The following DNER variants were observed in gnomAD, a reference collection of about 807,000 sequenced individuals.
DNER encodes the protein delta and Notch-like epidermal growth factor-related receptor.
DNER carries 33 observed loss-of-function variants against 78.2 expected under a neutral mutation model. That is an observed-to-expected ratio of 0.42 (90% confidence interval 0.32 to 0.56). The LOEUF (loss-of-function observed/expected upper bound fraction) is 0.56, where lower values mean the gene tolerates loss of function less well. Among genes scored for constraint, DNER ranks in the 20% least tolerant of loss-of-function variants. The pLI is 0.11. For synonymous variants in DNER, 417 were observed against 384.8 expected, an observed-to-expected ratio of 1.08 and a Z score of -0.98; for missense variants, 918 against 975.3, an observed-to-expected ratio of 0.94 and a Z score of 0.78.
intron 1 of DNER, among the ~76,000 whole-genome samples, chr2:229,595,549 T>G (rs1697696566): frequency 6.6e-6 from 1 of 152,200 alleles, no homozygotes; most frequent in Admixed American, 6.5e-5. Flanking sequence ...CCCAAAGTGC[T>G]GGGATTATAG....
intron 1 of DNER, among the ~76,000 whole-genome samples, chr2:229,621,659 C>G (rs1698253276): frequency 6.6e-6 from 1 of 152,104 alleles, no homozygotes; most frequent in Non-Finnish European, 1.5e-5. Context: ...TTCCCACATG[C>G]TCCCAACAGG....
chr2:229,483,135 T>C (rs1336958338), intron 6 of DNER, among the ~76,000 whole-genome samples: 15 of 152,156 alleles, frequency 9.9e-5, no homozygotes. Flanking sequence ...TGTGTGCTCA[T>C]CCCACTGATA....
intron 1 of DNER, among the ~76,000 whole-genome samples, chr2:229,650,646 G>A (rs552965297): frequency 2.0e-5 from 3 of 151,982 alleles, no homozygotes; most frequent in African/African-American, 7.3e-5. Flanking sequence ...CCCTACACAC[G>A]GTTTTCTTTC....
chr2:229,470,914 A>G (rs978656119), intron 7 of DNER, among the ~76,000 whole-genome samples: 5 of 152,180 alleles, frequency 3.3e-5, no homozygotes, highest in Non-Finnish European at 5.9e-5. Flanking sequence ...CCCTGCTTTG[A>G]TTCTAAAAGG....
At chr2:229,682,270 T>C (rs906359747) in intron 1 of DNER, among the ~76,000 whole-genome samples, 1 of 152,212 alleles carries the variant, frequency 6.6e-6, no homozygotes, top group African/African-American at 2.4e-5. Context: ...CTAAGAAACC[T>C]TGTACATAGA....
chr2:229,484,503 G>A (rs957645384), intron 6 of DNER, among the ~76,000 whole-genome samples: 3 of 152,116 alleles, frequency 2.0e-5, no homozygotes, highest in African/African-American at 4.8e-5. Context: ...TCTGCAATAC[G>A]GCAAATCAAC....
At chr2:229,647,514 T>C (rs1219491241) in intron 1 of DNER, among the ~76,000 whole-genome samples, 3 of 152,232 alleles carry the variant, frequency 2.0e-5, no homozygotes, top group African/African-American at 7.2e-5. Flanking sequence ...CTATTACAAA[T>C]ATCATAATTG....
chr2:229,638,345 A>C (rs906886447), intron 1 of DNER, among the ~76,000 whole-genome samples: 2 of 152,258 alleles, frequency 1.3e-5, no homozygotes, highest in Non-Finnish European at 2.9e-5. Context: ...TATAGTAATC[A>C]AAGCAGTATA....
At chr2:229,373,297 A>T (rs1692528480) in intron 11 of DNER, among the ~76,000 whole-genome samples, 1 of 152,230 alleles carries the variant, frequency 6.6e-6, no homozygotes, top group African/African-American at 2.4e-5. Flanking sequence ...ATATGCACAG[A>T]CACTTCTTAA....
intron 5 of DNER, among the ~76,000 whole-genome samples, chr2:229,534,989 C>T (rs544456888): frequency 3.3e-5 from 5 of 152,212 alleles, no homozygotes; most frequent in African/African-American, 1.2e-4. Flanking sequence ...GCACCCACCA[C>T]CATGCCCAGC....
chr2:229,450,398 A>AAT (rs1454354142), intron 7 of DNER, among the ~76,000 whole-genome samples: 4 of 152,246 alleles, frequency 2.6e-5, no homozygotes, highest in African/African-American at 9.6e-5. Context: ...GTTAATATTA[A>AAT]ATATAGTTCT....
chr2:229,554,967 AAGG>A (rs1168627154), intron 4 of DNER, among the ~76,000 whole-genome samples: 3 of 141,156 alleles, frequency 2.1e-5, no homozygotes, highest in African/African-American at 8.5e-5. Context: ...AAGGGAAGGG[AAGG>A]GAAGGGAAGG....
intron 11 of DNER, among the ~76,000 whole-genome samples, chr2:229,387,509 G>GAGAAAGAAAGAA (rs67136130): frequency 4.5e-4 from 34 of 76,172 alleles, no homozygotes; most frequent in East Asian, 9.1e-4. Flanking sequence ...GAAAGAAAGA[G>GAGAAAGAAAGAA]AGAAAGAAAG....
chr2:229,480,101 A>T (rs1354526438), intron 6 of DNER, among the ~76,000 whole-genome samples: 1 of 152,244 alleles, frequency 6.6e-6, no homozygotes, highest in African/African-American at 2.4e-5. Context: ...TGTGAACTTC[A>T]AAGTTCTTTC....
chr2:229,714,481 G>T lies in DNER; in HGVS notation c.-58C>A. 2.8e-6 allele frequency: 3 copies of T among 1,090,510 alleles called. No individual in the cohort carries two copies. Among genetic ancestry groups the T allele is most frequent in the African/African-American group, 1.7e-5 (1 of 59,574 alleles). The allele number at this position is 1,090,510 out of a possible 1,614,324, so 67.6% of individuals were successfully genotyped here. ...GGACGCAGTGACGGCGGCGGCGGTG[G>T]CAGTGGCGACGAGAGCTGCGAGAGC... On this transcript the variant is annotated 5_prime_UTR_variant, in exon 1 of 13. Coordinates refer to ENST00000341772, the MANE Select transcript of DNER (RefSeq NM_139072.4).
At chr2:229,658,330 T>G (rs1442688850) in intron 1 of DNER, among the ~76,000 whole-genome samples, 1 of 152,224 alleles carries the variant, frequency 6.6e-6, no homozygotes, top group Non-Finnish European at 1.5e-5. Context: ...GCATTGCTGG[T>G]CCTATTTACC....
chr2:229,523,792 C>T lies in DNER; in HGVS notation c.994-10856G>A, dbSNP rs566675190. On this transcript the variant is annotated intron_variant, in intron 5 of 12. Coordinates refer to ENST00000341772, the MANE Select transcript of DNER (RefSeq NM_139072.4). ...ACTGTATTCAGCCTCTTATCCTAGACGGTGCACAATATTCCTTGAACAATT... is the reference window on the plus strand; with the variant it reads ...ACTGTATTCAGCCTCTTATCCTAGATGGTGCACAATATTCCTTGAACAATT... Among the ~76,000 whole-genome samples, 14 of 152,322 alleles carry T rather than the reference C, an allele frequency of 9.2e-5. No individual in the cohort carries two copies. In the South Asian group the frequency reaches 1.9e-3, roughly 20 times the overall value.
At chr2:229,621,699 CCTGA>C (rs1698253973) in intron 1 of DNER, among the ~76,000 whole-genome samples, 1 of 152,210 alleles carries the variant, frequency 6.6e-6, no homozygotes, top group African/African-American at 2.4e-5. Context: ...ATGCACCTGG[CCTGA>C]CCCTCACTCC....
At chr2:229,521,705 C>G (rs762200479) in intron 5 of DNER, among the ~76,000 whole-genome samples, 5 of 150,706 alleles carry the variant, frequency 3.3e-5, no homozygotes, top group Non-Finnish European at 5.9e-5. Flanking sequence ...ATTTAAGAGA[C>G]TACCTGAGAA....
Sources: gnomAD v4.1 joint callset for allele counts (sites outside exome capture counted in the v4.1 genomes callset) on GRCh38, gnomAD v4.1.1 for gene constraint, MANE v1.5 for transcripts, NCBI Gene and HGNC (gene_info 2026-07-23, HGNC 2026-07-21) for gene names.